The following XKR4 variants were observed in gnomAD, a reference collection of about 807,000 sequenced individuals.
XKR4 encodes the protein XK related 4, also known as XK-related protein 4.
Under a neutral mutation model 53.9 loss-of-function variants are expected in XKR4, and 12 were observed. The observed-to-expected ratio is 0.22, with a 90% confidence interval of 0.14 to 0.36. XKR4 has a LOEUF of 0.36. Among genes scored for constraint, XKR4 ranks in the 10% least tolerant of loss-of-function variants. XKR4 has a pLI of 1.00. For synonymous variants in XKR4, 354 were observed against 362.4 expected, an observed-to-expected ratio of 0.98 and a Z score of 0.26; for missense variants, 799 against 859.5, an observed-to-expected ratio of 0.93 and a Z score of 0.88.
chr8:55,289,585 AAGAAAG>A (rs199776481), intron 1 of XKR4, among the ~76,000 whole-genome samples: 1,915 of 87,902 alleles, frequency 0.022, 18 homozygotes, highest in East Asian at 0.038. Flanking sequence ...GAAAGGAAGA[AAGAAAG>A]AGAAAGAAAG....
At chr8:55,373,248 C>T (rs936444915) in intron 2 of XKR4, among the ~76,000 whole-genome samples, 4 of 152,098 alleles carry the variant, frequency 2.6e-5, no homozygotes, top group African/African-American at 9.7e-5. Flanking sequence ...CTCACTGCAC[C>T]CGCCACCTCC....
At chr8:55,176,531 A>G (rs1817238008) in intron 1 of XKR4, among the ~76,000 whole-genome samples, 1 of 152,222 alleles carries the variant, frequency 6.6e-6, no homozygotes, top group South Asian at 2.1e-4. Context: ...GGAACACAGA[A>G]TAAAGTCGCT....
At position 55,537,949 on chromosome 8, in the gene XKR4, A is replaced by G. The variant is rs1437121079; in HGVS notation, c.*13722A>G. 2 of 152,176 alleles carry G rather than the reference A, an allele frequency of 1.3e-5. No homozygotes were observed. Among genetic ancestry groups the G allele is most frequent in the Non-Finnish European group, 2.9e-5 (2 of 68,032 alleles). The allele number at this position is 152,176 out of a possible 1,614,324, so 9.4% of individuals were successfully genotyped here. A position where few individuals can be genotyped will look rare whatever the true frequency, so the allele number is the denominator to read the frequency against. On this transcript the variant is annotated 3_prime_UTR_variant, in exon 3 of 3. Coordinates refer to ENST00000327381, the MANE Select transcript of XKR4 (RefSeq NM_052898.2). ...ATCAGCAACAAAGACGTGACAACCTATTGTCCTCCACAAAAGCATGAGTCA... is the reference window on the plus strand; with the variant it reads ...ATCAGCAACAAAGACGTGACAACCTGTTGTCCTCCACAAAAGCATGAGTCA...
At chr8:55,199,675 T>C (rs1776035407) in intron 1 of XKR4, among the ~76,000 whole-genome samples, 1 of 152,166 alleles carries the variant, frequency 6.6e-6, no homozygotes, top group Non-Finnish European at 1.5e-5. Context: ...ACTCTTCTGA[T>C]CACAGCTATG....
At chr8:55,119,988 A>G (rs1000240992) in intron 1 of XKR4, among the ~76,000 whole-genome samples, 4 of 152,236 alleles carry the variant, frequency 2.6e-5, no homozygotes, top group African/African-American at 9.6e-5. Flanking sequence ...AAAGCTTAAT[A>G]CAGTATAGTG....
intron 2 of XKR4, among the ~76,000 whole-genome samples, chr8:55,498,035 C>T (rs59492783): frequency 0.052 from 7,965 of 152,312 alleles, 598 homozygotes; most frequent in East Asian, 0.28. Context: ...AACAGGGGTG[C>T]AGGGCCTGGC....
chr8:55,221,905 C>A (rs115190928), intron 1 of XKR4, among the ~76,000 whole-genome samples: 3 of 152,220 alleles, frequency 2.0e-5, no homozygotes, highest in Non-Finnish European at 4.4e-5. Flanking sequence ...GTGAATCCAC[C>A]TGTCTCACCA....
chr8:55,120,537 C>A (rs1050319147), intron 1 of XKR4, among the ~76,000 whole-genome samples: 1 of 119,162 alleles, frequency 8.4e-6, no homozygotes, highest in Non-Finnish European at 2.1e-5. Flanking sequence ...TTTTGAGACC[C>A]CTGTCACCTT....
At chr8:55,402,016 C>T (rs962979604) in intron 2 of XKR4, among the ~76,000 whole-genome samples, 2 of 152,068 alleles carry the variant, frequency 1.3e-5, no homozygotes, top group African/African-American at 2.4e-5. Context: ...TTTGTATTTT[C>T]GCGAATCTTT....
chr8:55,451,420 CG>C, intron 2 of XKR4: 2 of 1,129,854 alleles, frequency 1.8e-6, no homozygotes, highest in Non-Finnish European at 2.6e-6. Context: ...ACTGGAGTAG[CG>C]GGGCATGGAG....
intron 1 of XKR4, among the ~76,000 whole-genome samples, chr8:55,297,424 G>A (rs1342083754): frequency 2.0e-5 from 3 of 152,116 alleles, no homozygotes; most frequent in African/African-American, 7.2e-5. Context: ...TATATACCAG[G>A]TACTCAATGG....
intron 1 of XKR4, among the ~76,000 whole-genome samples, chr8:55,137,111 T>C (rs748428983): frequency 6.6e-6 from 1 of 152,190 alleles, no homozygotes; most frequent in South Asian, 2.1e-4. Context: ...GCATTTTATG[T>C]CTAGTAATCT....
At chr8:55,261,035 C>T (rs1460660745) in intron 1 of XKR4, among the ~76,000 whole-genome samples, 2 of 152,220 alleles carry the variant, frequency 1.3e-5, no homozygotes, top group Non-Finnish European at 2.9e-5. Context: ...CTTCCTTACC[C>T]TCACAATCTG....
At chr8:55,140,090 C>T (rs1205738400) in intron 1 of XKR4, 1 of 396,534 alleles carries the variant, frequency 2.5e-6, no homozygotes, top group African/African-American at 2.1e-5. Flanking sequence ...AAAACAGTAC[C>T]TCTTAAGAGT....
At chr8:55,159,457 G>T (rs147592493) in intron 1 of XKR4, among the ~76,000 whole-genome samples, 30 of 152,272 alleles carry the variant, frequency 2.0e-4, no homozygotes, top group African/African-American at 7.0e-4. Context: ...TATAAAAACA[G>T]AAAGATGAGT....
chr8:55,359,333 T>C (rs377494240), intron 2 of XKR4, among the ~76,000 whole-genome samples: 4 of 152,164 alleles, frequency 2.6e-5, no homozygotes, highest in African/African-American at 9.7e-5. Context: ...GGGCCCCAGG[T>C]TGCTCAAATG....
At chr8:55,227,527 A>C (rs1817971328) in intron 1 of XKR4, among the ~76,000 whole-genome samples, 1 of 152,238 alleles carries the variant, frequency 6.6e-6, no homozygotes, top group Non-Finnish European at 1.5e-5. Context: ...TCTGAGTCCA[A>C]GCCCAGGCGC....
At chr8:55,493,351 G>T (rs938701819) in intron 2 of XKR4, among the ~76,000 whole-genome samples, 4 of 152,144 alleles carry the variant, frequency 2.6e-5, no homozygotes, top group African/African-American at 7.2e-5. Flanking sequence ...TCCTCTGCAG[G>T]CATCTATGCT....
intron 2 of XKR4, among the ~76,000 whole-genome samples, chr8:55,485,210 T>A (rs980319954): frequency 1.2e-4 from 19 of 152,192 alleles, no homozygotes; most frequent in African/African-American, 4.6e-4. Flanking sequence ...AAGCAAGATG[T>A]CCTCTGTGGC....
Sources: gnomAD v4.1 joint callset for allele counts (sites outside exome capture counted in the v4.1 genomes callset) on GRCh38, gnomAD v4.1.1 for gene constraint, MANE v1.5 for transcripts, NCBI Gene and HGNC (gene_info 2026-07-23, HGNC 2026-07-21) for gene names.